The following CTNNA3 variants were observed in gnomAD, a reference collection of about 807,000 sequenced individuals.
CTNNA3 encodes catenin alpha-3.
A neutral mutation model predicts 95.7 loss-of-function variants in CTNNA3; 76 were observed. That is an observed-to-expected ratio of 0.79 (90% confidence interval 0.66 to 0.96). The LOEUF is 0.96. Among genes scored for constraint, CTNNA3 ranks in the 40% least tolerant of loss-of-function variants. The pLI, the probability that CTNNA3 is intolerant of heterozygous loss-of-function variation, is 0.00. For synonymous variants in CTNNA3, 431 were observed against 374.4 expected (o/e 1.15, Z -1.74); for missense variants, 1,191 against 1,089.8 (o/e 1.09, Z -1.31).
At chr10:67,034,869 C>A (rs1018895962) in intron 7 of CTNNA3, among the ~76,000 whole-genome samples, 1 of 152,218 alleles carries the variant, frequency 6.6e-6, no homozygotes, top group Non-Finnish European at 1.5e-5. Context: ...TATCTATTTG[C>A]AGTTCCCTGC....
At chr10:67,090,202 T>G (rs1002875679) in intron 7 of CTNNA3, among the ~76,000 whole-genome samples, 1 of 152,070 alleles carries the variant, frequency 6.6e-6, no homozygotes, top group Non-Finnish European at 1.5e-5. Context: ...TTTTCGAGAT[T>G]GGACTCTTCT....
At chr10:67,713,680 C>A (rs1841125666) in intron 1 of CTNNA3, among the ~76,000 whole-genome samples, 1 of 152,146 alleles carries the variant, frequency 6.6e-6, no homozygotes, top group Non-Finnish European at 1.5e-5. Context: ...CAAACTAACA[C>A]AGGAACAGAA....
At chr10:67,313,241 C>G (rs997505311) in intron 5 of CTNNA3, among the ~76,000 whole-genome samples, 2 of 151,918 alleles carry the variant, frequency 1.3e-5, no homozygotes, top group African/African-American at 4.8e-5. Flanking sequence ...TCAAGACCAT[C>G]CTGGCTAACA....
chr10:66,403,287 G>A (rs1443581095), intron 11 of CTNNA3, among the ~76,000 whole-genome samples: 2 of 152,120 alleles, frequency 1.3e-5, no homozygotes, highest in Admixed American at 6.6e-5. Flanking sequence ...CACTATCCTG[G>A]TGTAGATATC....
intron 10 of CTNNA3, among the ~76,000 whole-genome samples, chr10:66,549,721 ATTTTG>A (rs1227894737): frequency 1.3e-5 from 2 of 152,134 alleles, no homozygotes; most frequent in East Asian, 3.8e-4. Flanking sequence ...TTATCTTGTA[ATTTTG>A]TTTTAATTCA....
chr10:67,593,180 T>C (rs1842836772), intron 3 of CTNNA3, among the ~76,000 whole-genome samples: 1 of 152,190 alleles, frequency 6.6e-6, no homozygotes, highest in Non-Finnish European at 1.5e-5. Context: ...TAGTAGTCTA[T>C]GGTGTATACA....
chr10:66,363,121 T>C (rs542912885), intron 12 of CTNNA3, among the ~76,000 whole-genome samples: 130 of 152,322 alleles, frequency 8.5e-4, no homozygotes, highest in African/African-American at 3.0e-3. Context: ...CTGCTAAACA[T>C]TAGGCCAAAA....
At chr10:67,220,152 A>C (rs1208018502) in intron 5 of CTNNA3, among the ~76,000 whole-genome samples, 4 of 152,204 alleles carry the variant, frequency 2.6e-5, no homozygotes, top group Non-Finnish European at 5.9e-5. Flanking sequence ...TCAAATCCTT[A>C]TAAGTAGCTA....
chr10:66,797,856 A>G (rs1235700526), intron 7 of CTNNA3, among the ~76,000 whole-genome samples: 1 of 151,936 alleles, frequency 6.6e-6, no homozygotes, highest in East Asian at 1.9e-4. Flanking sequence ...TTATTTGGGC[A>G]TGTAAAATAT....
intron 6 of CTNNA3, among the ~76,000 whole-genome samples, chr10:67,216,659 G>T (rs375332738): frequency 1.1e-3 from 169 of 152,170 alleles, no homozygotes; most frequent in Non-Finnish European, 2.1e-3. Flanking sequence ...GTTAAAAAAA[G>T]TGAATATGAC....
intron 11 of CTNNA3, among the ~76,000 whole-genome samples, chr10:66,442,367 A>T (rs1425831904): frequency 6.6e-6 from 1 of 152,046 alleles, no homozygotes; most frequent in Non-Finnish European, 1.5e-5. Flanking sequence ...TTTTTCCTAA[A>T]GTTCTTCAAA....
chr10:66,829,516 G>C (rs924198386), intron 7 of CTNNA3, among the ~76,000 whole-genome samples: 1 of 151,766 alleles, frequency 6.6e-6, no homozygotes, highest in Non-Finnish European at 1.5e-5. Flanking sequence ...TGGAGGCTGA[G>C]GCACAAGAAT....
intron 10 of CTNNA3, among the ~76,000 whole-genome samples, chr10:66,595,797 T>C (rs768445411): frequency 4.4e-4 from 66 of 151,664 alleles, no homozygotes; most frequent in Non-Finnish European, 9.0e-4. Flanking sequence ...CCACTGTACT[T>C]AGCTAATTTA....
intron 7 of CTNNA3, among the ~76,000 whole-genome samples, chr10:66,995,580 TCC>T (rs1851281893): frequency 6.6e-6 from 1 of 152,184 alleles, no homozygotes; most frequent in African/African-American, 2.4e-5. Flanking sequence ...AAATTACAAA[TCC>T]TTAACATTAT....
chr10:67,713,814 T>C (rs1191928457), intron 1 of CTNNA3, among the ~76,000 whole-genome samples: 2 of 152,066 alleles, frequency 1.3e-5, no homozygotes, highest in African/African-American at 4.8e-5. Context: ...ATGGAGAGCA[T>C]TAAGACAAAT....
chr10:67,248,312 T>C (rs573187845), intron 5 of CTNNA3, among the ~76,000 whole-genome samples: 48 of 152,302 alleles, frequency 3.2e-4, no homozygotes, highest in African/African-American at 1.1e-3. Context: ...CACTCCAGCA[T>C]AGGCAAGAGT....
At chr10:66,159,267 C>A (rs2084713018) in intron 13 of CTNNA3, among the ~76,000 whole-genome samples, 2 of 151,958 alleles carry the variant, frequency 1.3e-5, no homozygotes, top group Admixed American at 6.6e-5. Context: ...CAACTTTTCC[C>A]CATTCAGTAT....
At chr10:67,563,597 G>C (rs1295849929) in intron 3 of CTNNA3, among the ~76,000 whole-genome samples, 1 of 152,042 alleles carries the variant, frequency 6.6e-6, no homozygotes, top group Non-Finnish European at 1.5e-5. Flanking sequence ...GACTTCATGA[G>C]TTAAACACCA....
chr10:67,731,410 A>G (rs991584129), intron 1 of CTNNA3, among the ~76,000 whole-genome samples: 2 of 152,028 alleles, frequency 1.3e-5, no homozygotes, highest in Non-Finnish European at 2.9e-5. Context: ...GAACCTGGGA[A>G]GCGGAGGTTG....
Sources: gnomAD v4.1 joint callset for allele counts (sites outside exome capture counted in the v4.1 genomes callset) on GRCh38, gnomAD v4.1.1 for gene constraint, MANE v1.5 for transcripts, NCBI Gene and HGNC (gene_info 2026-07-23, HGNC 2026-07-21) for gene names.